Variants in COL4A1 observed in about 807,000 individuals in gnomAD.
The protein encoded by COL4A1 is collagen alpha-1(IV) chain.
Under a neutral mutation model 216.6 loss-of-function variants are expected in COL4A1, and 40 were observed. The observed-to-expected ratio is 0.18, with a 90% CI of 0.14 to 0.24. The LOEUF (loss-of-function observed/expected upper bound fraction) is 0.24. COL4A1 is among the 10% of genes least tolerant of loss of function. The pLI is 1.00. For synonymous variants in COL4A1, 839 were observed against 810.7 expected (o/e 1.03, Z -0.59); for missense variants, 1,628 against 2,196.8 (o/e 0.74, Z 5.18).
At position 110,242,757 on chromosome 13, in the gene COL4A1, T is replaced by G. The variant is rs748668587; in HGVS notation, c.85-23A>C. On this transcript the variant is annotated intron_variant, in intron 1 of 51. Transcript: ENST00000375820. ...ACCCTGGAAGGAAAAGAAAACTTCTTTAAATAGAAGAACACTTTCAAAGCG... is the reference window on the plus strand; with the variant it reads ...ACCCTGGAAGGAAAAGAAAACTTCTGTAAATAGAAGAACACTTTCAAAGCG... 24 of 1,613,670 alleles carry G rather than the reference T, an allele frequency of 1.5e-5. No homozygotes were observed. In the Admixed American group the frequency reaches 3.7e-4, roughly 25 times the overall value.
intron 2 of COL4A1, among the ~76,000 whole-genome samples, chr13:110,237,973 C>A (rs908935912): frequency 1.3e-5 from 2 of 152,252 alleles, no homozygotes; most frequent in African/African-American, 4.8e-5. Context: ...ACAGACTTCT[C>A]CAGCCTTTTC....
chr13:110,297,587 A>C (rs990478585), intron 1 of COL4A1, among the ~76,000 whole-genome samples: 1 of 152,222 alleles, frequency 6.6e-6, no homozygotes, highest in Admixed American at 6.5e-5. Flanking sequence ...AATCCATCTC[A>C]TCTGACTCCA....
Position 110,177,025 on chromosome 13 carries a change from A to G in COL4A1, c.2729T>C (p.Phe910Ser), listed in dbSNP as rs1877920612. The change falls in exon 34 of 52, where the codon TTT becomes TCT. Residue 910 changes from phenylalanine (F) to serine (S), a missense_variant. Phe to Ser is a radical substitution (Grantham distance 155). Coordinates refer to ENST00000375820, the MANE Select transcript of COL4A1 (RefSeq NM_001845.6). ...TCCCCTGGGTCCTGAGGAGCCCGGA[A>G]AGCCATGGTCCCCTGCAGAGGAAAG... Reference protein sequence around the residue: ...GLPGEKGDHGFPGSSGPRGDP... With the variant: ...GLPGEKGDHGSPGSSGPRGDP... The G allele has an allele frequency of 6.2e-7, 1 of 1,613,896 alleles. No homozygotes were observed. Among genetic ancestry groups the G allele is most frequent in the Non-Finnish European group, 8.5e-7 (1 of 1,180,034 alleles).
At chr13:110,273,269 C>T (rs530959527) in intron 1 of COL4A1, among the ~76,000 whole-genome samples, 4 of 152,172 alleles carry the variant, frequency 2.6e-5, no homozygotes, top group Non-Finnish European at 5.9e-5. Context: ...TCCCTGCTAA[C>T]GCGGGATGTA....
At chr13:110,219,650 ATATATATATATGTAT>A (rs1252681697) in intron 2 of COL4A1, among the ~76,000 whole-genome samples, 3 of 110,630 alleles carry the variant, frequency 2.7e-5, no homozygotes, top group Non-Finnish European at 5.4e-5. Flanking sequence ...AGTTGAAAAT[ATATATATATATGTAT>A]ATATATATAT....
intron 19 of COL4A1, 134 bp downstream of exon 19, chr13:110,201,298 GGGCGGA>G: frequency 1.7e-6 from 1 of 601,364 alleles, no homozygotes; most frequent in East Asian, 3.0e-5. Context: ...GAGAAGGAGG[GGGCGGA>G]GGAAGAGAAG....
chr13:110,194,983 A>G, intron 22 of COL4A1, 40 bp downstream of exon 22: 1 of 1,576,080 alleles, frequency 6.3e-7, no homozygotes, highest in Non-Finnish European at 8.7e-7. Flanking sequence ...ATCATACGCA[A>G]AGACACAACC....
Position 110,210,339 on chromosome 13 carries a change from G to A in COL4A1, c.469-127C>T, listed in dbSNP as rs2166208. The A allele has an allele frequency of 0.084, 71,250 of 850,754 alleles. 3,429 individuals are homozygous for A. Among genetic ancestry groups the A allele is most frequent in the African/African-American group, 0.18 (10,868 of 59,462 alleles). 52.7% of individuals were successfully genotyped at this position (850,754 alleles called of 1,614,324 possible). A position where few individuals can be genotyped will look rare whatever the true frequency, so the allele number is the denominator to read the frequency against. ...AGCCTAAGTCTGGGATTTAGACCCC[G>A]TCTACACTGGAAATCAATAGCCTGG... On this transcript the variant is annotated intron_variant, in intron 8 of 51. Coordinates refer to ENST00000375820, the MANE Select transcript of COL4A1 (RefSeq NM_001845.6).
intron 49 of COL4A1, among the ~76,000 whole-genome samples, chr13:110,160,486 T>C (rs1317628605): frequency 6.6e-6 from 1 of 151,544 alleles, no homozygotes; most frequent in Non-Finnish European, 1.5e-5. Context: ...GCAGGGATGA[T>C]TCAGAAAACA....
At chr13:110,236,966 G>T (rs572741253) in intron 2 of COL4A1, among the ~76,000 whole-genome samples, 5 of 152,308 alleles carry the variant, frequency 3.3e-5, no homozygotes, top group African/African-American at 4.8e-5. Flanking sequence ...ACAGGGGCTC[G>T]CTGTGGGTTA....
chr13:110,265,880 C>T (rs916629271), intron 1 of COL4A1: 1 of 152,176 alleles, frequency 6.6e-6, no homozygotes, highest in African/African-American at 2.4e-5. Context: ...GAACACTAGA[C>T]TCTAAGAGCC....
rs977068529 is a variant in COL4A1, at chr13:110,198,373, G to A, written c.1285+94C>T. 36 of 1,366,974 alleles carry A rather than the reference G, an allele frequency of 2.6e-5. No homozygotes were observed. In the African/African-American group the frequency reaches 4.6e-4, roughly 17 times the overall value. 84.7% of individuals were successfully genotyped at this position (1,366,974 alleles called of 1,614,324 possible). On this transcript the variant is annotated intron_variant, in intron 21 of 51. Coordinates refer to ENST00000375820, the MANE Select transcript of COL4A1 (RefSeq NM_001845.6). Reference sequence around the variant, plus strand: ...ATCCACGCCTTTCTATTACACTCTGGCTGTGGGGGACTATCACAGCCCCCA... The same window carrying A: ...ATCCACGCCTTTCTATTACACTCTGACTGTGGGGGACTATCACAGCCCCCA...
At chr13:110,254,645 A>G (rs1177305379) in intron 1 of COL4A1, among the ~76,000 whole-genome samples, 1 of 152,180 alleles carries the variant, frequency 6.6e-6, no homozygotes, top group Non-Finnish European at 1.5e-5. Context: ...TTTTCCTTAA[A>G]CAATTAAATA....
chr13:110,155,435 G>C (rs1348414790), intron 49 of COL4A1, 38 bp from the exon 50 acceptor site: 2 of 1,491,188 alleles, frequency 1.3e-6, no homozygotes, highest in East Asian at 2.3e-5. Context: ...CAGCCGGGGT[G>C]CAGGGCAGAG....
Position 110,268,011 on chromosome 13 carries a change from C to A in COL4A1, c.85-25277G>T, listed in dbSNP as rs571304131. Among the ~76,000 whole-genome samples the A allele has an allele frequency of 4.6e-4, 51 of 111,118 alleles. No individual in the cohort carries two copies. Among genetic ancestry groups the A allele is most frequent in the African/African-American group, 1.3e-3 (48 of 36,864 alleles). The allele number at this position is 111,118 out of a possible 152,430, so 72.9% of individuals were successfully genotyped here. On this transcript the variant is annotated intron_variant, in intron 1 of 51. Coordinates refer to ENST00000375820, the MANE Select transcript of COL4A1 (RefSeq NM_001845.6). The surrounding 1 kb of genome is among the most constrained non-coding windows in gnomAD (Gnocchi z 4.1). Reference sequence around the variant, plus strand: ...TCAACACCTAGAACACAGCTGCCCCCCTCAAAAAAAAAATACAGAAAAAAG... The same window carrying A: ...TCAACACCTAGAACACAGCTGCCCCACTCAAAAAAAAAATACAGAAAAAAG...
At chr13:110,198,909 A>C (rs1263997411) in intron 20 of COL4A1, among the ~76,000 whole-genome samples, 3 of 152,242 alleles carry the variant, frequency 2.0e-5, no homozygotes, top group Non-Finnish European at 4.4e-5. Context: ...TATTCCCAAC[A>C]TATTTTAAAA....
chr13:110,169,617 TC>T lies in COL4A1; in HGVS notation c.3876+11del, dbSNP rs1417634892. The T allele has an allele frequency of 6.2e-7, 1 of 1,613,264 alleles. No individual in the cohort carries two copies. The highest frequency in any genetic ancestry group is 1.7e-5 in the Admixed American group (1 of 59,952). ...TCCTTTAAAAATAAAAATCTACAAATCAATAACTCACAGGCATGCCCTGGAA... is the reference window on the plus strand; with the variant it reads ...TCCTTTAAAAATAAAAATCTACAAATAATAACTCACAGGCATGCCCTGGAA... On this transcript the variant is annotated intron_variant, in intron 43 of 51. Coordinates refer to ENST00000375820, the MANE Select transcript of COL4A1 (RefSeq NM_001845.6).
At chr13:110,280,738 G>A (rs1480823238) in intron 1 of COL4A1, among the ~76,000 whole-genome samples, 1 of 152,142 alleles carries the variant, frequency 6.6e-6, no homozygotes, top group Non-Finnish European at 1.5e-5. Flanking sequence ...GTGCTATTCT[G>A]AGAACTTGTA....
chr13:110,219,688 A>ATGTATATATGTATATATATG (rs1880296597), intron 2 of COL4A1, among the ~76,000 whole-genome samples: 2 of 114,038 alleles, frequency 1.8e-5, no homozygotes, highest in East Asian at 2.2e-4. Flanking sequence ...GTGTATATAT[A>ATGTATATATGTATATATATG]TGTATATATA....
Sources: gnomAD v4.1 joint callset for allele counts (sites outside exome capture counted in the v4.1 genomes callset) on GRCh38, gnomAD v4.1.1 for gene constraint, Gnocchi (gnomAD v3.1) non-coding constraint, MANE v1.5 for transcripts, NCBI Gene and HGNC (gene_info 2026-07-23, HGNC 2026-07-21) for gene names.